Variants in UGT3A2 observed in about 807,000 individuals in gnomAD.
The protein encoded by UGT3A2 is UDP glycosyltransferase family 3 member A2.
In UGT3A2, 32 loss-of-function variants were observed where a neutral mutation model predicts 39.8. That is an observed-to-expected ratio of 0.80 (90% confidence interval 0.61 to 1.08). The LOEUF (loss-of-function observed/expected upper bound fraction) is 1.08. Ranked by LOEUF, UGT3A2 falls within the 50% of genes least tolerant of loss-of-function variation. The probability of loss-of-function intolerance (pLI) is 0.00; values close to 1 mark genes in which losing one functional copy is unlikely to be tolerated. For missense variants in UGT3A2, 611 were observed against 637.1 expected (o/e 0.96, Z 0.44); for synonymous variants, 241 against 230.7 (o/e 1.04, Z -0.40).
At position 36,064,288 on chromosome 5, in the gene UGT3A2, C is replaced by T. The variant is rs766788051; in HGVS notation, c.157G>A (p.Val53Ile). 1.9e-6 allele frequency: 3 copies of T among 1,614,166 alleles called. No individual in the cohort carries two copies. Among genetic ancestry groups the T allele is most frequent in the South Asian group, 1.1e-5 (1 of 91,080 alleles). ...CCTCTTTTGTGGTTAAGCATGGTGA[C>T]ATTATGACCGTGATCTTGAAGAATC... is the stretch of plus-strand genomic sequence containing the variant. ...SQILQDHGHNVTMLNHKRGPF... is the reference protein window; with the variant it reads ...SQILQDHGHNITMLNHKRGPF... Residue 53 changes from valine (V) to isoleucine (I), a missense_variant, in exon 2 of 7, where the codon GTC (valine) becomes ATC (isoleucine). By Grantham distance (29) the Val-to-Ile change is conservative. Transcript: ENST00000282507.
intron 2 of UGT3A2, among the ~76,000 whole-genome samples, chr5:36,056,524 G>A (rs1445022957): frequency 6.6e-6 from 1 of 152,192 alleles, no homozygotes; most frequent in Non-Finnish European, 1.5e-5. Context: ...TGCGTTATGT[G>A]GGTGTTCTTT....
At chr5:36,060,649 G>T (rs1024233043) in intron 2 of UGT3A2, among the ~76,000 whole-genome samples, 1 of 152,022 alleles carries the variant, frequency 6.6e-6, no homozygotes, top group South Asian at 2.1e-4. Flanking sequence ...TCATTTTTAC[G>T]TTCGTCATCC....
chr5:36,047,999 C>G (rs1219226442), intron 4 of UGT3A2, among the ~76,000 whole-genome samples: 1 of 152,206 alleles, frequency 6.6e-6, no homozygotes, highest in Non-Finnish European at 1.5e-5. Flanking sequence ...CTTTCCCCAA[C>G]TCTTCCTGCT....
chr5:36,049,231 G>A lies in UGT3A2; in HGVS notation c.501C>T (p.Ser167=), dbSNP rs1379187050. Residue 167 remains serine (S), a synonymous_variant, in exon 4 of 7, where the codon TCC becomes TCT. Transcript: ENST00000282507. ...KLGKPFVAIL[S]TSFGSLEFGL... is the part of the protein sequence containing the mutation. ...CAAATTCCAAAGAGCCGAATGAAGT[G>A]GAAAGAATGGCCACAAATGGCTTCC... 2 of 1,614,116 alleles carry A rather than the reference G, an allele frequency of 1.2e-6. No individual in the cohort carries two copies. The highest frequency in any genetic ancestry group is 3.3e-5 in the Admixed American group (2 of 60,008).
At chr5:36,048,152 C>T (rs1742226163) in intron 4 of UGT3A2, among the ~76,000 whole-genome samples, 1 of 152,152 alleles carries the variant, frequency 6.6e-6, no homozygotes, top group African/African-American at 2.4e-5. Context: ...AAGATGATCA[C>T]ACCTCCCTAC....
At chr5:36,040,208 T>C (rs1000187338) in intron 4 of UGT3A2, among the ~76,000 whole-genome samples, 1 of 152,182 alleles carries the variant, frequency 6.6e-6, no homozygotes, top group African/African-American at 2.4e-5. Context: ...GTCACTGATC[T>C]TTTTGTACAC....
chr5:36,038,136 C>G (rs1741891046), intron 5 of UGT3A2, 120 bp from the exon 6 acceptor site: 10 of 1,029,290 alleles, frequency 9.7e-6, no homozygotes, highest in Non-Finnish European at 1.2e-5. Context: ...GACATTGTAT[C>G]TAATGACTGT....
At chr5:36,052,902 T>C (rs1001774498) in intron 2 of UGT3A2, among the ~76,000 whole-genome samples, 1 of 152,196 alleles carries the variant, frequency 6.6e-6, no homozygotes, top group African/African-American at 2.4e-5. Flanking sequence ...CTAATTGAAA[T>C]GAAAGACTCT....
chr5:36,061,528 A>C (rs1292267361), intron 2 of UGT3A2, among the ~76,000 whole-genome samples: 1 of 151,388 alleles, frequency 6.6e-6, no homozygotes, highest in Non-Finnish European at 1.5e-5. Flanking sequence ...ACTGAGGATG[A>C]TGATTTCCAA....
chr5:36,037,716 C>CA (rs1236913068), intron 6 of UGT3A2, 81 bp downstream of exon 6: 9 of 1,501,390 alleles, frequency 6.0e-6, no homozygotes, highest in African/African-American at 2.8e-5. Flanking sequence ...AAAACAAAAC[C>CA]AAAAAAACAG....
intron 2 of UGT3A2, among the ~76,000 whole-genome samples, chr5:36,058,642 T>A (rs1050390871): frequency 6.6e-6 from 1 of 152,166 alleles, no homozygotes; most frequent in Non-Finnish European, 1.5e-5. Flanking sequence ...TCCTCCCTGC[T>A]CATTCTACCC....
intron 4 of UGT3A2, among the ~76,000 whole-genome samples, chr5:36,042,339 G>A (rs1465679090): frequency 6.6e-6 from 1 of 152,046 alleles, no homozygotes; most frequent in Non-Finnish European, 1.5e-5. Flanking sequence ...GTTATAAGAT[G>A]TTACTTGCAA....
Position 36,037,841 on chromosome 5 carries a change from T to C in UGT3A2, c.1251A>G (p.Ala417=), listed in dbSNP as rs780492154. Residue 417 remains alanine, a synonymous_variant, in exon 6 of 7, where the codon GCA becomes GCG. Coordinates refer to ENST00000282507, the MANE Select transcript of UGT3A2 (RefSeq NM_174914.4). ...GTTTCATCTTAAGAGCCAATGTCTC[T>C]GCCTTGAGCTTCTTTAACTGAATAG... ...GVSIQLKKLK[A]ETLALKMKQI... The C allele has an allele frequency of 1.1e-5, 17 of 1,614,210 alleles. No individual in the cohort carries two copies. In the East Asian group the frequency reaches 2.9e-4, roughly 28 times the overall value.
In UGT3A2 at chr5:36,048,959, G is replaced by A; in HGVS notation, c.773C>T (p.Ala258Val). The A allele has an allele frequency of 6.2e-7, 1 of 1,614,168 alleles. No individual in the cohort carries two copies. The highest frequency in any genetic ancestry group is 8.5e-7 in the Non-Finnish European group (1 of 1,180,022). The change falls in exon 4 of 7, where the codon GCT (alanine) becomes GTT (valine). Residue 258 changes from alanine (A) to valine (V), a missense_variant. Ala to Val is a moderately conservative substitution (Grantham distance 64). Coordinates refer to ENST00000282507, the MANE Select transcript of UGT3A2 (RefSeq NM_174914.4). Reference protein sequence around the residue: ...FINSDFAFDFARPLLPNTVYV... With the variant: ...FINSDFAFDFVRPLLPNTVYV... ...AACAGTGTTGGGAAGCAGAGGTCGA[G>A]CAAAATCAAAGGCAAAGTCAGAGTT... is the stretch of plus-strand genomic sequence containing the variant.
chr5:36,058,382 T>C (rs972420336), intron 2 of UGT3A2, among the ~76,000 whole-genome samples: 5 of 152,158 alleles, frequency 3.3e-5, no homozygotes, highest in African/African-American at 1.2e-4. Flanking sequence ...AATGGGGCGT[T>C]GTTGGAGGCC....
intron 2 of UGT3A2, among the ~76,000 whole-genome samples, chr5:36,056,747 TA>T (rs1742527083): frequency 2.0e-5 from 3 of 152,258 alleles, no homozygotes; most frequent in African/African-American, 7.2e-5. Flanking sequence ...TAAAATATTT[TA>T]TCATCCTAAT....
At position 36,065,405 on chromosome 5, in the gene UGT3A2, G is replaced by T. The variant is rs529401287; in HGVS notation, c.95-1055C>A. Among the ~76,000 whole-genome samples, 8 of 152,242 alleles carry T rather than the reference G, an allele frequency of 5.3e-5. No homozygotes were observed. In the South Asian group the frequency reaches 1.5e-3, roughly 28 times the overall value. On this transcript the variant is annotated intron_variant, in intron 1 of 6. Coordinates refer to ENST00000282507, the MANE Select transcript of UGT3A2 (RefSeq NM_174914.4). ...AAGAACAGGGAGCTGGGAAGAAGGG[G>T]TCCCCACAGAAACAGCTGTTAGCGG... is the stretch of plus-strand genomic sequence containing the variant.
At chr5:36,036,274 C>T (rs1318687691) in intron 6 of UGT3A2, among the ~76,000 whole-genome samples, 1 of 152,200 alleles carries the variant, frequency 6.6e-6, no homozygotes, top group East Asian at 1.9e-4. Context: ...TATACATATA[C>T]ATGGAGCACC....
intron 2 of UGT3A2, among the ~76,000 whole-genome samples, chr5:36,055,261 G>A (rs1287264): frequency 0.67 from 102,013 of 151,278 alleles, 35,487 homozygotes; most frequent in Non-Finnish European, 0.76. Context: ...ACAGAGTCTC[G>A]TTCTGTCACC....
Sources: allele counts gnomAD v4.1 joint callset (sites outside exome capture counted in the v4.1 genomes callset), GRCh38; gene constraint gnomAD v4.1.1; transcripts MANE v1.5; gene names NCBI Gene and HGNC (gene_info 2026-07-23, HGNC 2026-07-21).